Variants in PPL observed in about 807,000 individuals in gnomAD.
PPL encodes the protein 190 kDa paraneoplastic pemphigus antigen.
In PPL, 198 loss-of-function variants were observed where a neutral mutation model predicts 194.4. The ratio of observed to expected loss-of-function variants is 1.02; its 90% CI spans 0.91 to 1.15. The LOEUF is 1.15. Ranked by LOEUF, PPL falls within the 50% of genes most tolerant of loss-of-function variation. The pLI, the probability that PPL is intolerant of heterozygous loss-of-function variation, is 0.00. For synonymous variants in PPL, 1,220 were observed against 972.4 expected, an observed-to-expected ratio of 1.25 and a Z score of -4.74; for missense variants, 2,885 against 2,294.8, an observed-to-expected ratio of 1.26 and a Z score of -5.25.
At chr16:4,934,752 C>T (rs573584077) in intron 1 of PPL, among the ~76,000 whole-genome samples, 6 of 152,198 alleles carry the variant, frequency 3.9e-5, no homozygotes, top group Non-Finnish European at 7.3e-5. Flanking sequence ...TCCACCCCCC[C>T]ACCAAGACAC....
At chr16:4,927,647 G>C (rs551925088) in intron 1 of PPL, among the ~76,000 whole-genome samples, 1 of 152,216 alleles carries the variant, frequency 6.6e-6, no homozygotes, top group Admixed American at 6.5e-5. Context: ...AGAAACTCCT[G>C]TGCTAATTAG....
Position 4,894,596 on chromosome 16 carries a change from C to G in PPL, c.1265G>C (p.Ser422Thr), listed in dbSNP as rs755047476. 1.9e-6 allele frequency: 3 copies of G among 1,613,612 alleles called. No individual in the cohort carries two copies. Among genetic ancestry groups the G allele is most frequent in the Non-Finnish European group, 2.5e-6 (3 of 1,179,914 alleles). The change falls in exon 12 of 22, where the codon AGC becomes ACC. Residue 422 changes from serine (S) to threonine (T), a missense_variant. By Grantham distance (58) the Ser-to-Thr change is moderately conservative. Transcript: ENST00000345988. Reference protein sequence around the residue: ...GEQGLISRGYSYTLQKNNGES... With the variant: ...GEQGLISRGYTYTLQKNNGES... ...CCCGTTGTTCTTCTGCAGGGTGTAG[C>G]TGTAGCCCCGCGAGATCAGGCCCTG...
At position 4,892,106 on chromosome 16, in the gene PPL, CA is replaced by C; in HGVS notation, c.1757del (p.Leu586ArgfsTer50). 1 of 1,613,826 alleles carries C rather than the reference CA, an allele frequency of 6.2e-7. No homozygotes were observed. Among genetic ancestry groups the C allele is most frequent in the Non-Finnish European group, 8.5e-7 (1 of 1,180,030 alleles). On this transcript the variant is annotated frameshift_variant, in exon 15 of 22. Transcript: ENST00000345988. LOFTEE classifies it high-confidence loss of function. ...ALPGSGTTPL[L>X]RTRVEDTNRK... ...GGTTGGTGTCCTCCACCCGGGTCCT[CA>C]GCAGGGGTGTGGTGCCACTGCCTGG...
intron 1 of PPL, among the ~76,000 whole-genome samples, chr16:4,932,250 T>C (rs2089233908): frequency 8.0e-6 from 1 of 125,006 alleles, no homozygotes; most frequent in Admixed American, 8.7e-5. Flanking sequence ...GCTCACAGTA[T>C]GTGCCTGAGA....
At position 4,884,703 on chromosome 16, in the gene PPL, C is replaced by T; in HGVS notation, c.3952G>A (p.Glu1318Lys). The change falls in exon 22 of 22, where the codon GAG (glutamate) becomes AAG (lysine). Residue 1318 changes from glutamate (E) to lysine (K), a missense_variant. Coordinates refer to ENST00000345988, the MANE Select transcript of PPL (RefSeq NM_002705.5). This position sits in a 1 kb window ranked among gnomAD's most constrained non-coding sequence, Gnocchi z 5.7. ...TCCAGATCCACTTGTTTCTTCTGCT[C>T]CTCTGAGAGCTTTGCCCTCAGAGAC... ...VASLRAKLSE[E>K]QKKQVDLERE... 6.2e-7 allele frequency: 1 copy of T among 1,614,156 alleles called. No individual in the cohort carries two copies. The highest frequency in any genetic ancestry group is 8.5e-7 in the Non-Finnish European group (1 of 1,180,032).
At chr16:4,928,102 A>G (rs2089182428) in intron 1 of PPL, among the ~76,000 whole-genome samples, 1 of 152,172 alleles carries the variant, frequency 6.6e-6, no homozygotes, top group East Asian at 1.9e-4. Context: ...AGGCATCAGG[A>G]TGTCACTCTG....
intron 1 of PPL, among the ~76,000 whole-genome samples, chr16:4,932,838 C>G (rs2089242189): frequency 6.6e-6 from 1 of 152,020 alleles, no homozygotes; most frequent in South Asian, 2.1e-4. Context: ...TTTGATCTAC[C>G]CAGCAGCCTC....
In PPL at chr16:4,882,963, C is replaced by G. The variant is rs748069132; in HGVS notation, c.*421G>C. ...ATGTCATGCCAGGCAGCAGCCCCCACGGGCCCAGGCCTTTGTGGGGCAGTG... is the reference window on the plus strand; with the variant it reads ...ATGTCATGCCAGGCAGCAGCCCCCAGGGGCCCAGGCCTTTGTGGGGCAGTG... On this transcript the variant is annotated 3_prime_UTR_variant, in exon 22 of 22. Transcript: ENST00000345988. 4.1e-5 allele frequency: 8 copies of G among 196,346 alleles called. No individual in the cohort carries two copies. Among genetic ancestry groups the G allele is most frequent in the Non-Finnish European group, 8.3e-5 (8 of 96,468 alleles). 12.2% of individuals were successfully genotyped at this position (196,346 alleles called of 1,614,324 possible).
chr16:4,892,310 A>G (rs957379962), intron 14 of PPL, 97 bp from the exon 15 acceptor site: 14 of 1,349,024 alleles, frequency 1.0e-5, no homozygotes, highest in African/African-American at 4.4e-5. Flanking sequence ...CATCAGGCAC[A>G]GTGGAAGCAG....
chr16:4,901,265 C>A (rs2088563678), intron 4 of PPL, among the ~76,000 whole-genome samples, 176 bp from the exon 5 acceptor site: 1 of 152,344 alleles, frequency 6.6e-6, no homozygotes, highest in Non-Finnish European at 1.5e-5. Flanking sequence ...TTGCTGAGCA[C>A]TGACCTATAT....
intron 1 of PPL, among the ~76,000 whole-genome samples, chr16:4,929,721 C>T (rs2089203680): frequency 6.6e-6 from 1 of 152,118 alleles, no homozygotes; most frequent in Non-Finnish European, 1.5e-5. Context: ...GGGTCTTGCT[C>T]TGTTGCCCAG....
Position 4,885,676 on chromosome 16 carries a change from C to CACGT in PPL, c.2975_2978dup (p.Val994ArgfsTer11), listed in dbSNP as rs1567986797. 6.2e-7 allele frequency: 1 copy of CACGT among 1,613,520 alleles called. No individual in the cohort carries two copies. The highest frequency in any genetic ancestry group is 1.7e-5 in the Admixed American group (1 of 60,012). On this transcript the variant is annotated frameshift_variant, in exon 22 of 22. Transcript: ENST00000345988. LOFTEE classifies it high-confidence loss of function. The surrounding 1 kb of genome is among the most constrained non-coding windows in gnomAD (Gnocchi z 6.3). ...GCTCGATGCGCAGGACCTCCTTGAC[C>CACGT]ACGTACTCCTGCCCCCCGTCTCTGG...
At position 4,908,270 on chromosome 16, in the gene PPL, A is replaced by T. The variant is rs550689436; in HGVS notation, c.162+2580T>A. ...CACTTTGGGAAGCTGAGGCAGGAGG[A>T]TGGCTTGAGGCCAGGAGTTCAAGAC... On this transcript the variant is annotated intron_variant, in intron 2 of 21. Coordinates refer to ENST00000345988, the MANE Select transcript of PPL (RefSeq NM_002705.5). 3.3e-5 allele frequency among the ~76,000 whole-genome samples: 5 copies of T among 152,200 alleles called. 1 individual carries two copies. Among genetic ancestry groups the T allele is most frequent in the African/African-American group, 1.2e-4 (5 of 41,528 alleles).
chr16:4,924,718 C>T (rs1440993707), intron 1 of PPL, among the ~76,000 whole-genome samples: 1 of 152,182 alleles, frequency 6.6e-6, no homozygotes, highest in African/African-American at 2.4e-5. Flanking sequence ...GCACGAAGAC[C>T]GCAGCAAGAC....
chr16:4,890,718 G>T lies in PPL; in HGVS notation c.2162+10C>A, dbSNP rs781328793. 2.3e-5 allele frequency: 36 copies of T among 1,597,058 alleles called. No individual in the cohort carries two copies. Among genetic ancestry groups the T allele is most frequent in the Non-Finnish European group, 3.1e-5 (36 of 1,172,186 alleles). On this transcript the variant is annotated intron_variant, in intron 17 of 21. Transcript: ENST00000345988. ...AAAACAAAAATGGCCACCACCCACC[G>T]CACCCTCACCTGCGTTCCACCTGCT...
chr16:4,899,512 G>A, intron 6 of PPL, 128 bp from the exon 7 acceptor site: 1 of 1,193,774 alleles, frequency 8.4e-7, no homozygotes. Context: ...GTGGCCTGAG[G>A]ACAAGCCCAG....
In PPL at chr16:4,891,945, C is replaced by T. The variant is rs370308954; in HGVS notation, c.1834G>A (p.Asp612Asn). The change falls in exon 16 of 22, where the codon GAT (aspartate) becomes AAT (asparagine). Residue 612 changes from aspartate (D) to asparagine (N), a missense_variant. Coordinates refer to ENST00000345988, the MANE Select transcript of PPL (RefSeq NM_002705.5). ...QLLDLAQEKVDVANRLEKSLQ... is the reference protein window; with the variant it reads ...QLLDLAQEKVNVANRLEKSLQ... ...CTCTTCTCCAGGCGGTTGGCCACAT[C>T]AACCCTGAGAGCACCAATCAGGCGT... 3.7e-6 allele frequency: 6 copies of T among 1,612,514 alleles called. No homozygotes were observed. The East Asian group carries it at 1.3e-4, about 36-fold the overall frequency.
At chr16:4,927,668 T>G (rs1393696510) in intron 1 of PPL, among the ~76,000 whole-genome samples, 2 of 152,232 alleles carry the variant, frequency 1.3e-5, no homozygotes, top group African/African-American at 2.4e-5. Flanking sequence ...ACAGTAAATG[T>G]CCTCACACCC....
chr16:4,893,432 A>G, intron 13 of PPL, 62 bp from the exon 14 acceptor site: 4 of 1,591,110 alleles, frequency 2.5e-6, no homozygotes, highest in Admixed American at 3.4e-5. Context: ...AGGCCCAGGG[A>G]TGGACCTAGG....
Sources: gnomAD v4.1 joint callset for allele counts (sites outside exome capture counted in the v4.1 genomes callset) on GRCh38, gnomAD v4.1.1 for gene constraint, Gnocchi (gnomAD v3.1) non-coding constraint, MANE v1.5 for transcripts, NCBI Gene and HGNC (gene_info 2026-07-23, HGNC 2026-07-21) for gene names.